The following SPATA9 variants were observed in gnomAD, a reference collection of about 807,000 sequenced individuals.
The protein encoded by SPATA9 is spermatogenesis associated 9, also known as spermatogenesis-associated protein 9.
SPATA9 carries 27 observed loss-of-function variants against 25.5 expected under a neutral mutation model. That is an observed-to-expected ratio of 1.06 (90% CI 0.78 to 1.46). The LOEUF (loss-of-function observed/expected upper bound fraction) is 1.46, where lower values mean the gene tolerates loss of function less well. Ranked by LOEUF, SPATA9 falls within the 40% of genes most tolerant of loss-of-function variation. The pLI is 0.00. For missense variants in SPATA9, 282 were observed against 297.5 expected, an observed-to-expected ratio of 0.95 and a Z score of 0.38; for synonymous variants, 102 against 105.7, an observed-to-expected ratio of 0.97 and a Z score of 0.21.
chr5:95,662,816 C>A (rs1751389264), intron 4 of SPATA9, among the ~76,000 whole-genome samples: 1 of 152,016 alleles, frequency 6.6e-6, no homozygotes, highest in Non-Finnish European at 1.5e-5. Context: ...TCATTAATAG[C>A]CAAGGAGATG....
downstream of SPATA9, chr5:95,656,014 C>G: frequency 6.3e-7 from 1 of 1,597,632 alleles, no homozygotes; most frequent in Non-Finnish European, 8.5e-7. Flanking sequence ...TTTGACATGT[C>G]AGAATATTAA....
upstream of SPATA9, among the ~76,000 whole-genome samples, chr5:95,702,861 A>T (rs1754210436): frequency 1.3e-5 from 2 of 152,226 alleles, no homozygotes. Flanking sequence ...AGCCTGGGTG[A>T]TAGAGCAAGA....
At chr5:95,663,823 A>G (rs564216355) in intron 4 of SPATA9, 130 bp downstream of exon 4, 1 of 485,320 alleles carries the variant, frequency 2.1e-6, no homozygotes, top group African/African-American at 2.0e-5. Context: ...TTTTAATATA[A>G]AATTGTTTTG....
intron 1 of SPATA9, among the ~76,000 whole-genome samples, chr5:95,698,410 G>T (rs543446723): frequency 2.0e-5 from 3 of 152,244 alleles, no homozygotes; most frequent in African/African-American, 7.2e-5. Flanking sequence ...CCATCTGAAG[G>T]GGCAGTGTCA....
At chr5:95,680,698 T>C (rs1218073450) in intron 2 of SPATA9, among the ~76,000 whole-genome samples, 1 of 152,204 alleles carries the variant, frequency 6.6e-6, no homozygotes, top group Non-Finnish European at 1.5e-5. Context: ...CTATACACTA[T>C]AACAACACAC....
intron 2 of SPATA9, 28 bp from the exon 3 acceptor site, chr5:95,675,667 T>C (rs377320745): frequency 1.0e-4 from 165 of 1,592,296 alleles, no homozygotes; most frequent in Non-Finnish European, 1.3e-4. Context: ...GAAAAGTAAC[T>C]GATGTGTAAT....
chr5:95,679,855 C>A (rs1295799005), intron 2 of SPATA9, among the ~76,000 whole-genome samples: 3 of 152,248 alleles, frequency 2.0e-5, no homozygotes, highest in African/African-American at 7.2e-5. Context: ...AGTTAAAACT[C>A]ATCCGATTCA....
the SPATA9 span, chr5:95,731,543 G>T: frequency 7.0e-7 from 1 of 1,427,774 alleles, no homozygotes; most frequent in East Asian, 2.9e-5. Flanking sequence ...CTCTGCGTCG[G>T]CCCCGCCGCG....
At chr5:95,683,290 C>A (rs745697266), upstream of SPATA9, among the ~76,000 whole-genome samples, 16 of 152,122 alleles carry the variant, frequency 1.1e-4, no homozygotes, top group Admixed American at 2.0e-4. Flanking sequence ...GAAACACCAG[C>A]AGTGAATTCA....
At chr5:95,696,457 A>G (rs1033991013) in intron 1 of SPATA9, among the ~76,000 whole-genome samples, 5 of 152,188 alleles carry the variant, frequency 3.3e-5, no homozygotes, top group Admixed American at 6.5e-5. Flanking sequence ...GTTGAAGTAC[A>G]TTGTTTTGGG....
chr5:95,672,106 A>C (rs143595044), intron 3 of SPATA9, among the ~76,000 whole-genome samples: 26 of 152,292 alleles, frequency 1.7e-4, no homozygotes, highest in Non-Finnish European at 3.1e-4. Flanking sequence ...TGGACCCTAA[A>C]ATAATGGTTG....
At chr5:95,713,423 CAGG>C in the SPATA9 span, 4 of 151,930 alleles carry the variant, frequency 2.6e-5, no homozygotes, top group African/African-American at 9.7e-5. Flanking sequence ...AGTGAGTTCT[CAGG>C]AGATCTGGTT....
chr5:95,723,736 C>T, the SPATA9 span, among the ~76,000 whole-genome samples: 1 of 152,154 alleles, frequency 6.6e-6, no homozygotes, highest in Non-Finnish European at 1.5e-5. Context: ...TCCTGTCTCG[C>T]AGCCTCCCTT....
chr5:95,681,944 T>C (rs1464797878), intron 2 of SPATA9, among the ~76,000 whole-genome samples: 1 of 152,216 alleles, frequency 6.6e-6, no homozygotes, highest in Non-Finnish European at 1.5e-5. Flanking sequence ...TTTGAGTAAA[T>C]TAGGTTACAT....
At chr5:95,727,957 T>C in the SPATA9 span, among the ~76,000 whole-genome samples, 2 of 152,202 alleles carry the variant, frequency 1.3e-5, no homozygotes, top group Non-Finnish European at 2.9e-5. Flanking sequence ...ACTGCAGTGC[T>C]AATAGCTTCA....
chr5:95,676,311 T>C (rs1228095792), intron 2 of SPATA9, among the ~76,000 whole-genome samples: 1 of 152,196 alleles, frequency 6.6e-6, no homozygotes, highest in Non-Finnish European at 1.5e-5. Context: ...ATTACATGAA[T>C]ACGTCCTTTT....
At chr5:95,662,392 T>C (rs1319121138) in intron 4 of SPATA9, among the ~76,000 whole-genome samples, 1 of 152,200 alleles carries the variant, frequency 6.6e-6, no homozygotes, top group African/African-American at 2.4e-5. Context: ...AAAAGATTAA[T>C]AAATTGGATG....
the SPATA9 span, chr5:95,731,643 C>T: frequency 6.2e-7 from 1 of 1,612,520 alleles, no homozygotes; most frequent in South Asian, 1.1e-5. Flanking sequence ...TGAGCCGCTG[C>T]TTTTCTCCGA....
downstream of SPATA9, chr5:95,656,461 T>G: frequency 1.6e-6 from 1 of 607,978 alleles, no homozygotes; most frequent in Non-Finnish European, 2.9e-6. Flanking sequence ...CACACATACT[T>G]AGTATGATGT....
Sources: allele counts gnomAD v4.1 joint callset (sites outside exome capture counted in the v4.1 genomes callset), GRCh38; gene constraint gnomAD v4.1.1; transcripts MANE v1.5; gene names NCBI Gene and HGNC (gene_info 2026-07-23, HGNC 2026-07-21).